CHRND: variants seen among roughly 807,000 people sequenced by gnomAD.
The protein encoded by CHRND is acetylcholine receptor subunit delta.
In CHRND, 40 loss-of-function variants were observed where a neutral mutation model predicts 57.8. The observed-to-expected ratio is 0.69, with a 90% confidence interval of 0.54 to 0.90. The LOEUF is 0.90. CHRND is among the 40% of genes least tolerant of loss of function. The pLI, the probability that CHRND is intolerant of heterozygous loss-of-function variation, is 0.00. For missense variants in CHRND, 634 were observed against 673.9 expected (o/e 0.94, Z 0.66); for synonymous variants, 237 against 270.6 (o/e 0.88, Z 1.22).
In CHRND at chr2:232,534,400, A is replaced by G; in HGVS notation, c.1371+58A>G. On this transcript the variant is annotated intron_variant, in intron 11 of 11. Coordinates refer to ENST00000258385, the MANE Select transcript of CHRND (RefSeq NM_000751.3). ...TTCAAGTAGGGCACTGATTAAGTGT[A>G]TTCTATCTTAAGAGGGCAGGGTTCC... The G allele has an allele frequency of 4.6e-6, 7 of 1,528,430 alleles. No individual in the cohort carries two copies. In the African/African-American group the frequency reaches 8.2e-5, roughly 18 times the overall value. The allele number at this position is 1,528,430 out of a possible 1,614,324, so 94.7% of individuals were successfully genotyped here.
chr2:232,528,789 C>T, intron 5 of CHRND, 73 bp from the exon 6 acceptor site: 1 of 1,571,992 alleles, frequency 6.4e-7, no homozygotes. Context: ...ATGGTCCTCC[C>T]TTACCAGCCC....
chr2:232,534,113 G>A lies in CHRND; in HGVS notation c.1230G>A (p.Leu410=), dbSNP rs957347668. The part of the protein sequence containing the change: ...MFEKQSERHG[L]ARRLTTARRP... ...AGAAGCAGTCAGAGCGGCATGGGCT[G>A]GCCAGGCGCCTCACCACTGCACGTG... The change falls in exon 10 of 12, where the codon CTG becomes CTA. Residue 410 remains leucine, a synonymous_variant. Coordinates refer to ENST00000258385, the MANE Select transcript of CHRND (RefSeq NM_000751.3). 5 of 1,614,096 alleles carry A rather than the reference G, an allele frequency of 3.1e-6. No homozygotes were observed. In the Admixed American group the frequency reaches 6.7e-5, roughly 22 times the overall value.
Position 232,535,605 on chromosome 2 carries a change from G to C in CHRND, c.*293G>C. ...GAGGCCACTCAGGGTGGCCTCAGGG[G>C]GAGAGCTCTGATAGGGGTGAGACAG... On this transcript the variant is annotated 3_prime_UTR_variant, in exon 12 of 12. Transcript: ENST00000258385. 1.7e-6 allele frequency: 1 copy of C among 596,536 alleles called. No individual in the cohort carries two copies. Among genetic ancestry groups the C allele is most frequent in the Non-Finnish European group, 3.1e-6 (1 of 319,456 alleles). The allele number at this position is 596,536 out of a possible 1,614,324, so 37.0% of individuals were successfully genotyped here.
rs4973536 is a variant in CHRND at position 232,527,171 on chromosome 2, G to C, written c.199-230G>C. Among the ~76,000 whole-genome samples, 57,535 of 151,812 alleles carry C rather than the reference G, an allele frequency of 0.38. 11,330 individuals are homozygous for C. Among genetic ancestry groups the C allele is most frequent in the East Asian group, 0.54 (2,790 of 5,130 alleles). On this transcript the variant is annotated intron_variant, in intron 2 of 11. Coordinates refer to ENST00000258385, the MANE Select transcript of CHRND (RefSeq NM_000751.3). ...AAAATTAGCCGGGTGTGATGGTGTG[G>C]GCCTATAATCCCAGCTACTAGGAAG...
rs943213457 is a variant in CHRND at position 232,535,544 on chromosome 2, G to T, written c.*232G>T. 6 of 692,850 alleles carry T rather than the reference G, an allele frequency of 8.7e-6. No homozygotes were observed. In the Admixed American group the frequency reaches 1.2e-4, roughly 14 times the overall value. The allele number at this position is 692,850 out of a possible 1,614,324, so 42.9% of individuals were successfully genotyped here. The stretch of plus-strand genomic sequence containing the variant: ...CTACAGTGGGTGGGCAGGACGATTT[G>T]GGGGGAGGCCCGAGGCTGGCTCAGG... On this transcript the variant is annotated 3_prime_UTR_variant, in exon 12 of 12. Coordinates refer to ENST00000258385, the MANE Select transcript of CHRND (RefSeq NM_000751.3).
intron 6 of CHRND, 116 bp from the exon 7 acceptor site, chr2:232,529,823 C>A: frequency 9.3e-7 from 1 of 1,079,520 alleles, no homozygotes; most frequent in Non-Finnish European, 1.4e-6. Flanking sequence ...ACCCCGTAGA[C>A]AGCCCATCTG....
At position 232,529,254 on chromosome 2, in the gene CHRND, C is replaced by T. The variant is rs893093830; in HGVS notation, c.619+283C>T. The stretch of plus-strand genomic sequence containing the variant: ...CTGCCCAGGCCCGGAAGTCATGCTT[C>T]TCCCACATGAGATGCCTGTGGCTGA... On this transcript the variant is annotated intron_variant, in intron 6 of 11. Transcript: ENST00000258385. Among the ~76,000 whole-genome samples the T allele has an allele frequency of 7.9e-5, 12 of 152,150 alleles. 1 individual carries two copies. Among genetic ancestry groups the T allele is most frequent in the Admixed American group, 4.6e-4 (7 of 15,284 alleles).
rs1278901518 is a variant in CHRND, at chr2:232,526,624, G to A, written c.148G>A (p.Glu50Lys). 10 of 1,613,756 alleles carry A rather than the reference G, an allele frequency of 6.2e-6. No homozygotes were observed. The Admixed American group carries it at 1.2e-4, about 19-fold the overall frequency. ...KELRPVAHKE[E>K]SVDVALALTL... ...GCTCCGGCCCGTGGCACACAAAGAG[G>A]AGAGTGTGGACGTTGCCCTGGCCCT... The change falls in exon 2 of 12, where the codon GAG (glutamate) becomes AAG (lysine). Residue 50 changes from glutamate to lysine, a missense_variant. Transcript: ENST00000258385.
Position 232,534,096 on chromosome 2 carries a change from T to A in CHRND, c.1213T>A (p.Ser405Thr), listed in dbSNP as rs1472536196. ...CAGTGACCTCATGTTCGAGAAGCAG[T>A]CAGAGCGGCATGGGCTGGCCAGGCG... Reference protein sequence around the residue: ...SRSDLMFEKQSERHGLARRLT... With the variant: ...SRSDLMFEKQTERHGLARRLT... Residue 405 changes from serine to threonine, a missense_variant, in exon 10 of 12, where the codon TCA (serine) becomes ACA (threonine). Ser to Thr is a moderately conservative substitution (Grantham distance 58, BLOSUM62 1). Coordinates refer to ENST00000258385, the MANE Select transcript of CHRND (RefSeq NM_000751.3). The A allele has an allele frequency of 1.2e-6, 2 of 1,614,112 alleles. No individual in the cohort carries two copies. Among genetic ancestry groups the A allele is most frequent in the Admixed American group, 3.3e-5 (2 of 60,030 alleles).
At position 232,526,304 on chromosome 2, in the gene CHRND, G is replaced by A. The variant is rs182404872; in HGVS notation, c.52+37G>A. The A allele has an allele frequency of 2.4e-3, 3,810 of 1,602,858 alleles. 7 individuals carry two copies. Among genetic ancestry groups the A allele is most frequent in the Non-Finnish European group, 3.0e-3 (3,473 of 1,173,856 alleles). The stretch of plus-strand genomic sequence containing the variant: ...CACCCTCCCCACCCTGGGGTCCCCC[G>A]TGATGCTTACCCAGGCCCCACACCG... On this transcript the variant is annotated intron_variant, in intron 1 of 11. Coordinates refer to ENST00000258385, the MANE Select transcript of CHRND (RefSeq NM_000751.3).
chr2:232,527,994 G>T (rs1691544217), intron 3 of CHRND, among the ~76,000 whole-genome samples: 1 of 152,174 alleles, frequency 6.6e-6, no homozygotes, highest in Non-Finnish European at 1.5e-5. Context: ...ATGTTTATTA[G>T]AAAACATTCT....
chr2:232,535,595 G>A lies in CHRND; in HGVS notation c.*283G>A, dbSNP rs1691860186. ...GGCCAGGGAGGAGGCCACTCAGGGTGGCCTCAGGGGGAGAGCTCTGATAGG... is the reference window on the plus strand; with the variant it reads ...GGCCAGGGAGGAGGCCACTCAGGGTAGCCTCAGGGGGAGAGCTCTGATAGG... On this transcript the variant is annotated 3_prime_UTR_variant, in exon 12 of 12. Transcript: ENST00000258385. The A allele has an allele frequency of 3.3e-6, 2 of 610,910 alleles. No homozygotes were observed. Among genetic ancestry groups the A allele is most frequent in the Admixed American group, 2.2e-5 (1 of 46,456 alleles). 37.8% of individuals were successfully genotyped at this position (610,910 alleles called of 1,614,324 possible).
Position 232,535,359 on chromosome 2 carries a change from G to C in CHRND, c.*47G>C. 6.2e-7 allele frequency: 1 copy of C among 1,601,662 alleles called. No homozygotes were observed. ...GGAGACAGCAGGGTCTGAGAGAGGAGCCACAGTCCCTAATGACACCCACTC... is the reference window on the plus strand; with the variant it reads ...GGAGACAGCAGGGTCTGAGAGAGGACCCACAGTCCCTAATGACACCCACTC... On this transcript the variant is annotated 3_prime_UTR_variant, in exon 12 of 12. Transcript: ENST00000258385.
At chr2:232,527,773 G>A (rs751970971) in intron 3 of CHRND, among the ~76,000 whole-genome samples, 27 of 152,168 alleles carry the variant, frequency 1.8e-4, no homozygotes, top group Admixed American at 6.5e-4. Flanking sequence ...GCCCAGAGCC[G>A]GTGGGGTCGG....
At chr2:232,526,828 C>T (rs1691490157) in intron 2 of CHRND, among the ~76,000 whole-genome samples, 154 bp downstream of exon 2, 1 of 152,206 alleles carries the variant, frequency 6.6e-6, no homozygotes, top group South Asian at 2.1e-4. Flanking sequence ...TGAGAGGCTG[C>T]TGTCCTGCCC....
intron 2 of CHRND, 43 bp downstream of exon 2, chr2:232,526,717 T>C: frequency 6.2e-7 from 1 of 1,605,804 alleles, no homozygotes; most frequent in South Asian, 1.1e-5. Context: ...AGGGCAGGGA[T>C]GGCTTTCCAG....
intron 4 of CHRND, 45 bp downstream of exon 4, chr2:232,528,416 C>T: frequency 6.2e-7 from 1 of 1,613,598 alleles, no homozygotes; most frequent in Non-Finnish European, 8.5e-7. Context: ...ACCCTGCCTC[C>T]TTTCCTTAAG....
chr2:232,526,394 G>A, intron 1 of CHRND, 127 bp downstream of exon 1: 1 of 1,522,214 alleles, frequency 6.6e-7, no homozygotes, highest in Middle Eastern at 2.4e-4. Context: ...GCCTTCTGGG[G>A]TCCCCACTCC....
chr2:232,526,535 G>A lies in CHRND; in HGVS notation c.59G>A (p.Trp20Ter), dbSNP rs764374927. The change falls in exon 2 of 12, where the codon TGG (tryptophan) becomes TAG (stop). Residue 20 changes from tryptophan (W) to a stop codon, truncating the protein, a stop_gained. Transcript: ENST00000258385. LOFTEE classifies it high-confidence loss of function. Reference protein sequence around the residue: ...LLAALAVCGSWGLNEEERLIR... With the variant: ...LLAALAVCGS ...TGTCGCTGACCCTCCCCAGGCAGCT[G>A]GGGGCTGAACGAGGAGGAGCGGCTG... is the stretch of plus-strand genomic sequence containing the variant. 2 of 1,613,660 alleles carry A rather than the reference G, an allele frequency of 1.2e-6. No homozygotes were observed. The highest frequency in any genetic ancestry group is 2.2e-5 in the East Asian group (1 of 44,868).
Sources: gnomAD v4.1 joint callset for allele counts (sites outside exome capture counted in the v4.1 genomes callset) on GRCh38, gnomAD v4.1.1 for gene constraint, MANE v1.5 for transcripts, NCBI Gene and HGNC (gene_info 2026-07-23, HGNC 2026-07-21) for gene names.